MYOF: variants seen among roughly 807,000 people sequenced by gnomAD.
The protein encoded by MYOF is myoferlin.
MYOF carries 244 observed loss-of-function variants against 284.2 expected under a neutral mutation model. That is an observed-to-expected ratio of 0.86 (90% CI 0.77 to 0.95). The LOEUF is 0.95. Ranked by LOEUF, MYOF falls within the 40% of genes least tolerant of loss-of-function variation. MYOF has a pLI of 0.00. For synonymous variants in MYOF, 904 were observed against 919.7 expected (o/e 0.98, Z 0.31); for missense variants, 2,496 against 2,560.6 (o/e 0.97, Z 0.54).
intron 36 of MYOF, among the ~76,000 whole-genome samples, chr10:93,349,330 G>C (rs117856759): frequency 1.4e-4 from 22 of 152,276 alleles, no homozygotes; most frequent in Non-Finnish European, 2.5e-4. Context: ...CATCCCAGGG[G>C]CACCTGGAGG....
chr10:93,418,214 A>T (rs1848213523), intron 5 of MYOF, among the ~76,000 whole-genome samples: 1 of 152,216 alleles, frequency 6.6e-6, no homozygotes, highest in Non-Finnish European at 1.5e-5. Context: ...AGCACAACAA[A>T]GGGCTGATAT....
At chr10:93,336,744 G>A (rs1161635924) in intron 40 of MYOF, among the ~76,000 whole-genome samples, 1 of 151,468 alleles carries the variant, frequency 6.6e-6, no homozygotes, top group Non-Finnish European at 1.5e-5. Context: ...AAAGCAAGAA[G>A]GGAAGAGGAT....
chr10:93,345,704 G>A (rs116151946), intron 37 of MYOF, among the ~76,000 whole-genome samples: 1,597 of 152,262 alleles, frequency 0.01, 27 homozygotes, highest in African/African-American at 0.036. Context: ...TGGAAACAAA[G>A]CCCAAGGGAC....
At chr10:93,338,330 C>T (rs1843710397) in intron 39 of MYOF, 2 of 457,748 alleles carry the variant, frequency 4.4e-6, no homozygotes, top group South Asian at 3.1e-5. Context: ...CCTTGTAATA[C>T]AATACTCACT....
intron 1 of MYOF, among the ~76,000 whole-genome samples, chr10:93,477,329 T>C (rs968863344): frequency 6.6e-6 from 1 of 150,896 alleles, no homozygotes; most frequent in Admixed American, 6.6e-5. Flanking sequence ...CCGTCTCTAC[T>C]AAAAAACACA....
intron 5 of MYOF, among the ~76,000 whole-genome samples, chr10:93,415,107 C>G (rs1008857767): frequency 6.6e-6 from 1 of 152,132 alleles, no homozygotes; most frequent in African/African-American, 2.4e-5. Flanking sequence ...CAAGCAGCCC[C>G]AATCTAATGA....
chr10:93,331,366 A>T (rs993310063), intron 43 of MYOF, among the ~76,000 whole-genome samples: 1 of 152,280 alleles, frequency 6.6e-6, no homozygotes, highest in African/African-American at 2.4e-5. Flanking sequence ...AAGTCTGCCC[A>T]TCCGCCAGAC....
intron 52 of MYOF, 146 bp from the exon 53 acceptor site, chr10:93,310,313 C>G: frequency 2.6e-6 from 3 of 1,156,856 alleles, no homozygotes; most frequent in Non-Finnish European, 3.6e-6. Context: ...GAGAAAGGCT[C>G]TTTAACCTAC....
chr10:93,381,536 G>T, intron 19 of MYOF, 140 bp from the exon 20 acceptor site: 1 of 843,910 alleles, frequency 1.2e-6, no homozygotes, highest in Non-Finnish European at 1.8e-6. Flanking sequence ...GGACCCAGCT[G>T]TTCCTCTTGC....
chr10:93,399,675 C>T (rs1847183599), intron 12 of MYOF, among the ~76,000 whole-genome samples, 180 bp from the exon 13 acceptor site: 1 of 152,134 alleles, frequency 6.6e-6, no homozygotes, highest in Non-Finnish European at 1.5e-5. Flanking sequence ...AGAGCAAGGC[C>T]ATCCTGGTCA....
intron 1 of MYOF, among the ~76,000 whole-genome samples, chr10:93,470,540 T>C (rs2057121876): frequency 6.6e-6 from 1 of 152,034 alleles, no homozygotes; most frequent in South Asian, 2.1e-4. Context: ...AGCTTGGGAC[T>C]ACAGGTGCCC....
At chr10:93,477,587 G>A (rs992325094) in intron 1 of MYOF, among the ~76,000 whole-genome samples, 2 of 152,084 alleles carry the variant, frequency 1.3e-5, no homozygotes, top group Non-Finnish European at 2.9e-5. Flanking sequence ...AGTGGCTCAC[G>A]CCTGTAATCC....
In MYOF at chr10:93,378,681, A is replaced by ATGTGTGTGTG. The variant is rs142030025; in HGVS notation, c.2001+1172_2001+1181dup. 2.7e-3 allele frequency among the ~76,000 whole-genome samples: 273 copies of ATGTGTGTGTG among 99,276 alleles called. 18 individuals carry two copies. Among genetic ancestry groups the ATGTGTGTGTG allele is most frequent in the African/African-American group, 9.7e-3 (249 of 25,740 alleles). 65.1% of individuals were successfully genotyped at this position (99,276 alleles called of 152,430 possible). On this transcript the variant is annotated intron_variant, in intron 21 of 53. Coordinates refer to ENST00000359263, the MANE Select transcript of MYOF (RefSeq NM_013451.4). ...AGTATATGTGTATATGTGTGTGTGT[A>ATGTGTGTGTG]TGTGTGTGTGTGTATATATATATAT...
In MYOF at chr10:93,429,083, T is replaced by C. The variant is rs538445101; in HGVS notation, c.345+2325A>G. Reference sequence around the variant, plus strand: ...TGGAGTTGGGCCCTGGTGGGAGTTTTTGGGTCATGGGGGCGGATCCCTCAC... The same window carrying C: ...TGGAGTTGGGCCCTGGTGGGAGTTTCTGGGTCATGGGGGCGGATCCCTCAC... On this transcript the variant is annotated intron_variant, in intron 4 of 53. Transcript: ENST00000359263. Among the ~76,000 whole-genome samples, 3 of 152,364 alleles carry C rather than the reference T, an allele frequency of 2.0e-5. No individual in the cohort carries two copies. The East Asian group carries it at 5.8e-4, about 29-fold the overall frequency.
chr10:93,366,630 T>C, intron 25 of MYOF, 75 bp from the exon 26 acceptor site: 1 of 1,300,444 alleles, frequency 7.7e-7, no homozygotes, highest in Non-Finnish European at 1.1e-6. Flanking sequence ...CATTTTCAAG[T>C]TCATCGAGGA....
At position 93,335,912 on chromosome 10, in the gene MYOF, C is replaced by T; in HGVS notation, c.4563+9G>A. ...GATTTTAAACGGGACCAACACACATCTTACTCACCTTAAACTCTCCAACCA... is the reference window on the plus strand; with the variant it reads ...GATTTTAAACGGGACCAACACACATTTTACTCACCTTAAACTCTCCAACCA... On this transcript the variant is annotated intron_variant, in intron 41 of 53. Transcript: ENST00000359263. The T allele has an allele frequency of 1.2e-6, 2 of 1,613,200 alleles. No individual in the cohort carries two copies. The highest frequency in any genetic ancestry group is 2.7e-5 in the African/African-American group (2 of 74,978).
intron 53 of MYOF, among the ~76,000 whole-genome samples, chr10:93,308,351 G>A (rs1245671545): frequency 6.6e-6 from 1 of 150,590 alleles, no homozygotes; most frequent in Admixed American, 6.6e-5. Context: ...TTGGGAGGCT[G>A]AGGTGGGTGG....
rs758437259 is a variant in MYOF at position 93,351,540 on chromosome 10, A to G, written c.3695T>C (p.Phe1232Ser). 6.2e-7 allele frequency: 1 copy of G among 1,614,184 alleles called. No individual in the cohort carries two copies. The highest frequency in any genetic ancestry group is 8.5e-7 in the Non-Finnish European group (1 of 1,180,028). The change falls in exon 34 of 54, where the codon TTC (phenylalanine) becomes TCC (serine). Residue 1232 changes from phenylalanine (F) to serine (S), a missense_variant. Phe to Ser is a radical substitution (Grantham distance 155). Coordinates refer to ENST00000359263, the MANE Select transcript of MYOF (RefSeq NM_013451.4). ...TGAGTTCAGTTTCACCACAGGAGAGAAAATGCTTCGTCCTAAAAATTCATC... is the reference window on the plus strand; with the variant it reads ...TGAGTTCAGTTTCACCACAGGAGAGGAAATGCTTCGTCCTAAAAATTCATC... The part of the protein sequence containing the change: ...GKDEFLGRSI[F>S]SPVVKLNSEM...
intron 7 of MYOF, among the ~76,000 whole-genome samples, chr10:93,404,641 C>CAAA (rs34398757): frequency 2.8e-4 from 17 of 60,836 alleles, no homozygotes; most frequent in East Asian, 6.8e-4. Context: ...GAGGCCATCT[C>CAAA]AAAAAAAAAA....
Sources: gnomAD v4.1 joint callset for allele counts (sites outside exome capture counted in the v4.1 genomes callset) on GRCh38, gnomAD v4.1.1 for gene constraint, MANE v1.5 for transcripts, NCBI Gene and HGNC (gene_info 2026-07-23, HGNC 2026-07-21) for gene names.